ITGA6: variants seen among roughly 807,000 people sequenced by gnomAD.
ITGA6 encodes integrin alpha-6.
In ITGA6, 63 loss-of-function variants were observed where a neutral mutation model predicts 133.6. The observed-to-expected ratio is 0.47, with a 90% CI of 0.38 to 0.58. ITGA6 has a LOEUF of 0.58. Among genes scored for constraint, ITGA6 ranks in the 20% least tolerant of loss-of-function variants. The pLI, the probability that ITGA6 is intolerant of heterozygous loss-of-function variation, is 0.00. For missense variants in ITGA6, 1,068 were observed against 1,309.4 expected (o/e 0.82, Z 2.85); for synonymous variants, 434 against 482.0 (o/e 0.90, Z 1.30).
At chr2:172,460,789 T>G (rs1685399696) in intron 1 of ITGA6, among the ~76,000 whole-genome samples, 1 of 152,224 alleles carries the variant, frequency 6.6e-6, no homozygotes, top group South Asian at 2.1e-4. Context: ...GGTCTTAATT[T>G]GGACAAACTA....
rs17676773 is a variant in ITGA6 at position 172,468,992 on chromosome 2, G to A, written c.388-133G>A. The A allele has an allele frequency of 0.16, 145,793 of 939,576 alleles. 11,952 individuals are homozygous for A. The highest frequency in any genetic ancestry group is 0.2 in the Middle Eastern group (923 of 4,662). 58.2% of individuals were successfully genotyped at this position (939,576 alleles called of 1,614,324 possible). A position where few individuals can be genotyped will look rare whatever the true frequency, so the allele number is the denominator to read the frequency against. On this transcript the variant is annotated intron_variant, in intron 3 of 25. Transcript: ENST00000684293. ...GGGAATATTTGCTGGTCTGGGATCCGGTCCCAAGATGAGGACATGCTTAAT... is the reference window on the plus strand; with the variant it reads ...GGGAATATTTGCTGGTCTGGGATCCAGTCCCAAGATGAGGACATGCTTAAT...
At chr2:172,474,854 T>A in intron 6 of ITGA6, 75 bp from the exon 7 acceptor site, 1 of 798,330 alleles carries the variant, frequency 1.3e-6, no homozygotes, top group South Asian at 1.4e-5. Context: ...TGTCTTTGTA[T>A]CCTTAGTACC....
chr2:172,469,498 G>A, intron 4 of ITGA6, 118 bp downstream of exon 4: 1 of 915,232 alleles, frequency 1.1e-6, no homozygotes. Flanking sequence ...AAGTTGGGTA[G>A]GATATTAAAA....
In ITGA6 at chr2:172,448,708, G is replaced by T. The variant is rs147440317; in HGVS notation, c.183-16831G>T. Among the ~76,000 whole-genome samples, 22 of 152,296 alleles carry T rather than the reference G, an allele frequency of 1.4e-4. 1 individual carries two copies. Among genetic ancestry groups the T allele is most frequent in the African/African-American group, 5.1e-4 (21 of 41,550 alleles). ...GCCTCAGCCTTTTAACCAACTTTCT[G>T]TGTAAACATGAAAATTCCGGGCTGG... On this transcript the variant is annotated intron_variant, in intron 1 of 25. Coordinates refer to ENST00000684293, the MANE Select transcript of ITGA6 (RefSeq NM_000210.4).
At chr2:172,471,228 C>G in intron 5 of ITGA6, 123 bp downstream of exon 5, 2 of 1,090,604 alleles carry the variant, frequency 1.8e-6, no homozygotes, top group Non-Finnish European at 2.7e-6. Context: ...GGCCGGGCCA[C>G]TTTTGCTGGA....
rs566072397 is a variant in ITGA6, at chr2:172,427,621, G to A, written c.-168G>A. ...TTCAGCGGTCGCGAGCTGCCCGCGA[G>A]GGGGAGCGGCCGGACGGAGAGCGCG... On this transcript the variant is annotated 5_prime_UTR_variant, in exon 1 of 26. Coordinates refer to ENST00000684293, the MANE Select transcript of ITGA6 (RefSeq NM_000210.4). 7.8e-7 allele frequency: 1 copy of A among 1,281,208 alleles called. No individual in the cohort carries two copies. The highest frequency in any genetic ancestry group is 9.8e-7 in the Non-Finnish European group (1 of 1,017,252). The allele number at this position is 1,281,208 out of a possible 1,614,324, so 79.4% of individuals were successfully genotyped here.
chr2:172,465,677 C>G lies in ITGA6; in HGVS notation c.307+14C>G, dbSNP rs751881716. ...TTGATAACGATGGTGCGTTCCTTTCCCTCACTCAGCGTTCACTCCGGCAGC... is the reference window on the plus strand; with the variant it reads ...TTGATAACGATGGTGCGTTCCTTTCGCTCACTCAGCGTTCACTCCGGCAGC... On this transcript the variant is annotated intron_variant, in intron 2 of 25. Transcript: ENST00000684293. 1.2e-5 allele frequency: 20 copies of G among 1,613,984 alleles called. No homozygotes were observed. Among genetic ancestry groups the G allele is most frequent in the Non-Finnish European group, 1.7e-5 (20 of 1,179,938 alleles).
In ITGA6 at chr2:172,485,191, G is replaced by C. The variant is rs754282661; in HGVS notation, c.1781G>C (p.Arg594Pro). ...ASVEIQEPSS[R>P]RRVNSLPEVL... The stretch of plus-strand genomic sequence containing the variant: ...GTGGAGATCCAAGAGCCAAGCTCTC[G>C]TAGGCGAGTGAATTCACTTCCAGAA... The change falls in exon 13 of 26, where the codon CGT (arginine) becomes CCT (proline). Residue 594 changes from arginine to proline, a missense_variant. Arg to Pro is a moderately radical substitution (Grantham distance 103). Coordinates refer to ENST00000684293, the MANE Select transcript of ITGA6 (RefSeq NM_000210.4). The C allele has an allele frequency of 1.9e-6, 3 of 1,613,776 alleles. No individual in the cohort carries two copies. The highest frequency in any genetic ancestry group is 2.7e-5 in the African/African-American group (2 of 74,910).
intron 23 of ITGA6, among the ~76,000 whole-genome samples, chr2:172,492,159 G>A (rs1365654602): frequency 2.6e-5 from 4 of 152,224 alleles, no homozygotes; most frequent in Non-Finnish European, 4.4e-5. Flanking sequence ...AGCAGCTGAG[G>A]TGGGGTCTGC....
Position 172,504,617 on chromosome 2 carries a change from C to A in ITGA6, c.*549C>A. On this transcript the variant is annotated 3_prime_UTR_variant, in exon 26 of 26. Coordinates refer to ENST00000684293, the MANE Select transcript of ITGA6 (RefSeq NM_000210.4). ...AGGCACCTACACTCACCTGCACTAA[C>A]AGAGTGGCCGTCCTAACCTCGGGCC... 6.0e-6 allele frequency: 1 copy of A among 167,206 alleles called. No individual in the cohort carries two copies. Among genetic ancestry groups the A allele is most frequent in the Non-Finnish European group, 1.3e-5 (1 of 77,256 alleles). The allele number at this position is 167,206 out of a possible 1,614,324, so 10.4% of individuals were successfully genotyped here.
chr2:172,500,293 C>T (rs138540184), intron 24 of ITGA6, among the ~76,000 whole-genome samples: 102 of 151,628 alleles, frequency 6.7e-4, no homozygotes, highest in African/African-American at 2.1e-3. Flanking sequence ...ATTTTGCTAA[C>T]AAAGATGCTC....
intron 13 of ITGA6, 94 bp from the exon 14 acceptor site, chr2:172,486,929 G>T: frequency 1.3e-6 from 1 of 740,986 alleles, no homozygotes; most frequent in Admixed American, 1.9e-5. Flanking sequence ...TGTCACACAG[G>T]GAAATGAACT....
At chr2:172,473,291 C>T (rs933499412) in intron 5 of ITGA6, among the ~76,000 whole-genome samples, 1 of 152,236 alleles carries the variant, frequency 6.6e-6, no homozygotes, top group African/African-American at 2.4e-5. Context: ...TGTAATCTGA[C>T]ATCCTACCTG....
chr2:172,485,819 G>A lies in ITGA6; in HGVS notation c.1854+555G>A, dbSNP rs1686640267. Reference sequence around the variant, plus strand: ...TTTGCTAGGGGTTTAGGATGGTTAAGGTGCAAGGTTAGCCCGGGCAGCTAT... The same window carrying A: ...TTTGCTAGGGGTTTAGGATGGTTAAAGTGCAAGGTTAGCCCGGGCAGCTAT... On this transcript the variant is annotated intron_variant, in intron 13 of 25. Coordinates refer to ENST00000684293, the MANE Select transcript of ITGA6 (RefSeq NM_000210.4). Among the ~76,000 whole-genome samples, 3 of 152,178 alleles carry A rather than the reference G, an allele frequency of 2.0e-5. No individual in the cohort carries two copies. The East Asian group carries it at 5.8e-4, about 29-fold the overall frequency.
At chr2:172,434,468 CTG>C (rs1684234397) in intron 1 of ITGA6, among the ~76,000 whole-genome samples, 3 of 152,148 alleles carry the variant, frequency 2.0e-5, no homozygotes, top group African/African-American at 7.2e-5. Flanking sequence ...TTGTAGAAGA[CTG>C]TTCTCAGGCC....
chr2:172,468,559 TTC>T (rs1685782233), intron 3 of ITGA6, among the ~76,000 whole-genome samples: 1 of 152,236 alleles, frequency 6.6e-6, no homozygotes, highest in South Asian at 2.1e-4. Flanking sequence ...GGCCTTGTAA[TTC>T]TCTCTGCCTT....
intron 11 of ITGA6, chr2:172,480,760 C>A (rs756229617): frequency 6.6e-6 from 1 of 152,566 alleles, no homozygotes; most frequent in Non-Finnish European, 1.5e-5. Flanking sequence ...TTATTAGATA[C>A]TGTTCTGCTT....
chr2:172,503,283 C>G (rs1024722892), intron 25 of ITGA6, among the ~76,000 whole-genome samples: 1 of 151,902 alleles, frequency 6.6e-6, no homozygotes, highest in Non-Finnish European at 1.5e-5. Flanking sequence ...GATATATTCT[C>G]AGTAAAAATA....
In ITGA6 at chr2:172,491,396, TC is replaced by T. The variant is rs1559153018; in HGVS notation, c.2890-26del. Reference sequence around the variant, plus strand: ...GCCTTTGCCTAGGACACTTTTCACTTCCCTAATGCATTCACTGTCTCCAAAC... The same window carrying T: ...GCCTTTGCCTAGGACACTTTTCACTTCCTAATGCATTCACTGTCTCCAAAC... On this transcript the variant is annotated intron_variant, in intron 22 of 25. Transcript: ENST00000684293. The surrounding 1 kb of genome is among the most constrained non-coding windows in gnomAD (Gnocchi z 4.4). The T allele has an allele frequency of 1.3e-6, 2 of 1,586,544 alleles. No individual in the cohort carries two copies. The highest frequency in any genetic ancestry group is 2.7e-5 in the African/African-American group (2 of 74,400).
Sources: gnomAD v4.1 joint callset for allele counts (sites outside exome capture counted in the v4.1 genomes callset) on GRCh38, gnomAD v4.1.1 for gene constraint, Gnocchi (gnomAD v3.1) non-coding constraint, MANE v1.5 for transcripts, NCBI Gene and HGNC (gene_info 2026-07-23, HGNC 2026-07-21) for gene names.